Variants in GSAP observed in about 807,000 individuals in gnomAD.
GSAP encodes the protein gamma-secretase activating protein.
A neutral mutation model predicts 131.7 loss-of-function variants in GSAP; 118 were observed. The ratio of observed to expected loss-of-function variants is 0.90; its 90% CI spans 0.77 to 1.04. The LOEUF (loss-of-function observed/expected upper bound fraction) is 1.04, where lower values mean the gene tolerates loss of function less well. Among genes scored for constraint, GSAP ranks in the 50% least tolerant of loss-of-function variants. The pLI is 0.00. For synonymous variants in GSAP, 381 were observed against 363.4 expected, an observed-to-expected ratio of 1.05 and a Z score of -0.55; for missense variants, 1,019 against 1,013.2, an observed-to-expected ratio of 1.01 and a Z score of -0.08.
chr7:77,345,121 T>C (rs543223359), intron 19 of GSAP, among the ~76,000 whole-genome samples: 3 of 152,334 alleles, frequency 2.0e-5, no homozygotes, highest in African/African-American at 4.8e-5. Flanking sequence ...TCCCAATTAT[T>C]AGTCCTTTAA....
chr7:77,328,226 G>C (rs1788584882), intron 22 of GSAP: 2 of 1,016,330 alleles, frequency 2.0e-6, no homozygotes, highest in Non-Finnish European at 2.4e-6. Context: ...ACCCAAATGA[G>C]AGGCACAAAC....
At position 77,352,351 on chromosome 7, in the gene GSAP, T is replaced by C. The variant is rs115015916; in HGVS notation, c.1491+593A>G. Among the ~76,000 whole-genome samples the C allele has an allele frequency of 6.8e-3, 1,032 of 152,378 alleles. 9 individuals carry two copies. The highest frequency in any genetic ancestry group is 0.024 in the African/African-American group (981 of 41,590). ...GGCACAGCCTATGTACGGTTTTCAC[T>C]TGCTGGGCCAGCAAAGCTCTGTCTA... On this transcript the variant is annotated intron_variant, in intron 18 of 30. Transcript: ENST00000257626.
At chr7:77,375,509 C>T (rs1421248725) in intron 10 of GSAP, among the ~76,000 whole-genome samples, 1 of 152,114 alleles carries the variant, frequency 6.6e-6, no homozygotes, top group African/African-American at 2.4e-5. Flanking sequence ...GCAATTCTTG[C>T]AATGGCATAA....
At chr7:77,322,707 C>A (rs1266532253) in intron 24 of GSAP, among the ~76,000 whole-genome samples, 1 of 151,144 alleles carries the variant, frequency 6.6e-6, no homozygotes, top group Non-Finnish European at 1.5e-5. Flanking sequence ...GATTCAAATC[C>A]CTGATTATAA....
At chr7:77,321,872 T>C (rs1319619533) in intron 24 of GSAP, among the ~76,000 whole-genome samples, 2 of 152,176 alleles carry the variant, frequency 1.3e-5, no homozygotes, top group Non-Finnish European at 2.9e-5. Flanking sequence ...CCTACACAAG[T>C]TACCCACCCT....
At chr7:77,358,896 C>CTAT (rs1314853518) in intron 14 of GSAP, among the ~76,000 whole-genome samples, 3 of 152,136 alleles carry the variant, frequency 2.0e-5, no homozygotes, top group Non-Finnish European at 4.4e-5. Context: ...TTTAAAGAAA[C>CTAT]TATTAATAGG....
intron 26 of GSAP, among the ~76,000 whole-genome samples, chr7:77,318,112 C>T (rs1395566698): frequency 6.6e-6 from 1 of 152,198 alleles, no homozygotes; most frequent in African/African-American, 2.4e-5. Flanking sequence ...ATATAAAATT[C>T]AAGAAGCAGC....
chr7:77,377,236 G>GT (rs774827175), intron 9 of GSAP, 50 bp downstream of exon 9: 20 of 501,062 alleles, frequency 4.0e-5, no homozygotes, highest in African/African-American at 6.5e-5. Flanking sequence ...TAATATTTTT[G>GT]TAAAAAAAAA....
intron 19 of GSAP, among the ~76,000 whole-genome samples, chr7:77,347,345 T>C (rs1274556559): frequency 6.6e-6 from 1 of 152,032 alleles, no homozygotes; most frequent in East Asian, 1.9e-4. Flanking sequence ...TCTGGGGGTG[T>C]GGAGGGTAGT....
chr7:77,369,102 T>C (rs991604168), intron 12 of GSAP, among the ~76,000 whole-genome samples: 1 of 152,140 alleles, frequency 6.6e-6, no homozygotes, highest in African/African-American at 2.4e-5. Context: ...AATCGGGAAC[T>C]TGTGAAGAGC....
intron 3 of GSAP, among the ~76,000 whole-genome samples, chr7:77,401,983 G>A (rs971164851): frequency 1.2e-4 from 18 of 152,126 alleles, no homozygotes; most frequent in South Asian, 2.1e-4. Context: ...ACATTCTACC[G>A]ACATTAATTT....
chr7:77,403,720 A>C (rs147991843), intron 3 of GSAP, among the ~76,000 whole-genome samples: 8 of 152,308 alleles, frequency 5.3e-5, no homozygotes, highest in African/African-American at 1.9e-4. Flanking sequence ...TGGACCTCCT[A>C]CTTTCTTAGA....
Position 77,406,090 on chromosome 7 carries a change from T to C in GSAP, c.125A>G (p.Asp42Gly). 1 of 1,234,434 alleles carries C rather than the reference T, an allele frequency of 8.1e-7. No homozygotes were observed. The highest frequency in any genetic ancestry group is 1.5e-5 in the South Asian group (1 of 66,352). 76.5% of individuals were successfully genotyped at this position (1,234,434 alleles called of 1,614,324 possible). A position where few individuals can be genotyped will look rare whatever the true frequency, so the allele number is the denominator to read the frequency against. Residue 42 changes from aspartate to glycine, a missense_variant, in exon 2 of 31, where the codon GAT becomes GGT. Physicochemically the swap from Asp to Gly is moderately conservative, Grantham distance 94. Coordinates refer to ENST00000257626, the MANE Select transcript of GSAP (RefSeq NM_017439.4). ...GSGGADVLENDYESLHVLNVE... is the reference protein window; with the variant it reads ...GSGGADVLENGYESLHVLNVE... ...ATTTAATACATGTAAGCTCTCATAA[T>C]CGTTTTCTAAAACATCTGAAATGAT...
intron 18 of GSAP, chr7:77,351,625 G>A (rs1792875851): frequency 8.1e-6 from 8 of 985,358 alleles, no homozygotes; most frequent in Non-Finnish European, 9.6e-6. Context: ...TCTTTATATC[G>A]CTCTTCTTGG....
At chr7:77,353,680 C>T in intron 16 of GSAP, 39 bp from the exon 17 acceptor site, 1 of 1,254,888 alleles carries the variant, frequency 8.0e-7, no homozygotes, top group South Asian at 1.2e-5. Context: ...GTATTTAAAT[C>T]TGCTCTCTGC....
chr7:77,393,377 A>G (rs926893597), intron 5 of GSAP, among the ~76,000 whole-genome samples: 1 of 152,114 alleles, frequency 6.6e-6, no homozygotes, highest in African/African-American at 2.4e-5. Flanking sequence ...AATACCTTTC[A>G]TATACTGATG....
chr7:77,330,574 T>TC (rs1491328291), intron 19 of GSAP: 31 of 253,184 alleles, frequency 1.2e-4, no homozygotes, highest in Non-Finnish European at 1.7e-4. Context: ...TTTCTGTCTC[T>TC]TTTTTTTTTT....
At chr7:77,338,039 C>T (rs1436034414) in intron 19 of GSAP, among the ~76,000 whole-genome samples, 1 of 152,070 alleles carries the variant, frequency 6.6e-6, no homozygotes, top group East Asian at 1.9e-4. Flanking sequence ...GTGGCATGTG[C>T]CTGTGGTCCC....
chr7:77,351,643 G>A, intron 18 of GSAP: 1 of 985,504 alleles, frequency 1.0e-6, no homozygotes, highest in African/African-American at 1.7e-5. Flanking sequence ...TGGACTTCCT[G>A]ATGTCACCCT....
Sources: gnomAD v4.1 joint callset for allele counts (sites outside exome capture counted in the v4.1 genomes callset) on GRCh38, gnomAD v4.1.1 for gene constraint, MANE v1.5 for transcripts, NCBI Gene and HGNC (gene_info 2026-07-23, HGNC 2026-07-21) for gene names.